RCOR2: variants seen among roughly 807,000 people sequenced by gnomAD.
RCOR2 encodes the protein REST corepressor 2.
Under a neutral mutation model 58.9 loss-of-function variants are expected in RCOR2, and 19 were observed. The ratio of observed to expected loss-of-function variants is 0.32; its 90% CI spans 0.23 to 0.47. RCOR2 has a LOEUF of 0.47. Among genes scored for constraint, RCOR2 ranks in the 20% least tolerant of loss-of-function variants. The pLI is 1.00. For missense variants in RCOR2, 590 were observed against 707.9 expected, an observed-to-expected ratio of 0.83 and a Z score of 1.89; for synonymous variants, 286 against 278.7, an observed-to-expected ratio of 1.03 and a Z score of -0.26.
At position 63,912,719 on chromosome 11, in the gene RCOR2, G is replaced by C. The variant is rs756937166; in HGVS notation, c.984C>G (p.Phe328Leu). 1 of 1,614,092 alleles carries C rather than the reference G, an allele frequency of 6.2e-7. No individual in the cohort carries two copies. The highest frequency in any genetic ancestry group is 8.5e-7 in the Non-Finnish European group (1 of 1,180,010). Residue 328 changes from phenylalanine to leucine, a missense_variant, in exon 10 of 12, where the codon TTC (phenylalanine) becomes TTG (leucine). Around this residue, in one of 3 missense-constraint regions of RCOR2, gnomAD observed 390 missense variants for 478.7 expected, o/e 0.81. Coordinates refer to ENST00000301459, the MANE Select transcript of RCOR2 (RefSeq NM_173587.4). ...GCTCATCTGTGGTCCAGCGGGAGTT[G>C]AACTTGGTGTTGGCCTGGAAAGCAA... is the stretch of plus-strand genomic sequence containing the variant. ...PLRPPEANTK[F>L]NSRWTTDEQL...
upstream of RCOR2, among the ~76,000 whole-genome samples, chr11:63,917,374 C>G (rs1044337016): frequency 3.9e-5 from 6 of 152,118 alleles, no homozygotes; most frequent in Non-Finnish European, 7.4e-5. Flanking sequence ...TCCCTGGGCT[C>G]CCAGACTTGC....
intron 2 of RCOR2, 64 bp downstream of exon 2, chr11:63,915,491 G>A: frequency 1.3e-6 from 2 of 1,504,052 alleles, no homozygotes; most frequent in Non-Finnish European, 1.8e-6. Flanking sequence ...GCCCCAGGTG[G>A]GGCTGCAGGC....
In RCOR2 at chr11:63,912,147, G is replaced by A; in HGVS notation, c.1290C>T (p.Pro430=). ...GTGGTGGCGCAGGGGGCACTGATCGGGGCACGGACGTGGAGACCGATGTAA... is the reference window on the plus strand; with the variant it reads ...GTGGTGGCGCAGGGGGCACTGATCGAGGCACGGACGTGGAGACCGATGTAA... The part of the protein sequence containing the change: ...VQITSVSTSV[P]RSVPPAPPPP... The change falls in exon 12 of 12, where the codon CCC becomes CCT. Residue 430 remains proline (P), a synonymous_variant. Transcript: ENST00000301459. The A allele has an allele frequency of 5.9e-6, 9 of 1,535,488 alleles. No individual in the cohort carries two copies. The highest frequency in any genetic ancestry group is 7.9e-6 in the Non-Finnish European group (9 of 1,145,056).
chr11:63,918,134 C>T (rs371731477), upstream of RCOR2, among the ~76,000 whole-genome samples: 9 of 150,104 alleles, frequency 6.0e-5, no homozygotes, highest in Admixed American at 2.7e-4. Flanking sequence ...CCCTCCCACC[C>T]GGAGCCCCAG....
chr11:63,914,799 C>A lies in RCOR2; in HGVS notation c.336G>T (p.Leu112=). 1 of 1,610,168 alleles carries A rather than the reference C, an allele frequency of 6.2e-7. No homozygotes were observed. Among genetic ancestry groups the A allele is most frequent in the Non-Finnish European group, 8.5e-7 (1 of 1,178,026 alleles). ...YNIEQALGML[L]WHKHDVEKSL... The stretch of plus-strand genomic sequence containing the variant: ...ACTTCTCCACATCGTGCTTATGCCA[C>A]AGAAGCATGCCCAGCGCCTGGCCCG... The change falls in exon 5 of 12, where the codon CTG becomes CTT. Residue 112 remains leucine (L), a synonymous_variant. Coordinates refer to ENST00000301459, the MANE Select transcript of RCOR2 (RefSeq NM_173587.4).
Position 63,915,016 on chromosome 11 carries a change from T to A in RCOR2, c.266-62A>T, listed in dbSNP as rs1941836548. 3.1e-6 allele frequency: 5 copies of A among 1,599,820 alleles called. No homozygotes were observed. In the Admixed American group the frequency reaches 8.3e-5, roughly 27 times the overall value. On this transcript the variant is annotated intron_variant, in intron 3 of 11. Coordinates refer to ENST00000301459, the MANE Select transcript of RCOR2 (RefSeq NM_173587.4). ...GGTTATAGCTCCTAACCCAGGCCTG[T>A]CCAGAAAGGGACCACCCCACAACGG...
In RCOR2 at chr11:63,911,328, G is replaced by T. The variant is rs1941745875; in HGVS notation, c.*537C>A. 6.6e-6 allele frequency: 1 copy of T among 152,416 alleles called. No homozygotes were observed. The highest frequency in any genetic ancestry group is 1.5e-5 in the Non-Finnish European group (1 of 68,164). The allele number at this position is 152,416 out of a possible 1,614,324, so 9.4% of individuals were successfully genotyped here. A position where few individuals can be genotyped will look rare whatever the true frequency, so the allele number is the denominator to read the frequency against. ...ATTTCTCCAAGTTTCTGGAAGGTGG[G>T]CTTGGTGGGCACCCTCAGCTCCTTA... On this transcript the variant is annotated 3_prime_UTR_variant, in exon 12 of 12. Transcript: ENST00000301459.
upstream of RCOR2, among the ~76,000 whole-genome samples, chr11:63,918,694 ACT>A (rs1208769564): frequency 1.3e-5 from 2 of 151,422 alleles, no homozygotes; most frequent in Non-Finnish European, 3.0e-5. Context: ...CTTTGGAGAG[ACT>A]CTCATTTCTG....
the RCOR2 span, among the ~76,000 whole-genome samples, chr11:63,925,238 A>T: frequency 6.6e-6 from 1 of 152,328 alleles, no homozygotes; most frequent in East Asian, 1.9e-4. Context: ...GCTCCTTAGC[A>T]TGACTTATCT....
In RCOR2 at chr11:63,913,521, C is replaced by G. The variant is rs183362438; in HGVS notation, c.891+433G>C. 4.4e-3 allele frequency among the ~76,000 whole-genome samples: 483 copies of G among 109,140 alleles called. 1 individual carries two copies. The highest frequency in any genetic ancestry group is 0.029 in the Middle Eastern group (4 of 138). The allele number at this position is 109,140 out of a possible 152,430, so 71.6% of individuals were successfully genotyped here. Reference sequence around the variant, plus strand: ...TTTTTGAGACGGAATCTCACTCTGTCGCCCAGGCTGGAGTGCAGTGGTGCA... The same window carrying G: ...TTTTTGAGACGGAATCTCACTCTGTGGCCCAGGCTGGAGTGCAGTGGTGCA... On this transcript the variant is annotated intron_variant, in intron 8 of 11. Coordinates refer to ENST00000301459, the MANE Select transcript of RCOR2 (RefSeq NM_173587.4).
At chr11:63,920,700 A>T (rs1452473792), upstream of RCOR2, among the ~76,000 whole-genome samples, 1 of 152,120 alleles carries the variant, frequency 6.6e-6, no homozygotes, top group Admixed American at 6.5e-5. Context: ...GAGGTGGGCT[A>T]GAGTGGAAGG....
chr11:63,913,440 T>G (rs1416277973), intron 8 of RCOR2, among the ~76,000 whole-genome samples: 1 of 150,928 alleles, frequency 6.6e-6, no homozygotes, highest in African/African-American at 2.4e-5. Flanking sequence ...TCCACCCACC[T>G]CAGCCTCCCA....
intron 7 of RCOR2, 31 bp downstream of exon 7, chr11:63,914,230 C>A (rs764594184): frequency 3.1e-6 from 5 of 1,613,294 alleles, no homozygotes; most frequent in Admixed American, 1.7e-5. Flanking sequence ...AGAGGACAGG[C>A]AGGCAGGGCC....
At position 63,912,514 on chromosome 11, in the gene RCOR2, C is replaced by A; in HGVS notation, c.1048G>T (p.Asp350Tyr). 6.2e-7 allele frequency: 1 copy of A among 1,613,888 alleles called. No individual in the cohort carries two copies. Among genetic ancestry groups the A allele is most frequent in the Non-Finnish European group, 8.5e-7 (1 of 1,179,864 alleles). ...AVQAIRRYGKDFGAIAEVIGN... is the reference protein window; with the variant it reads ...AVQAIRRYGKYFGAIAEVIGN... ...ATCACCTCTGCAATAGCCCCAAAGT[C>A]TTTGCCATACCTACGGATGGCTGCA... Residue 350 changes from aspartate to tyrosine, a missense_variant, in exon 11 of 12, where the codon GAC becomes TAC. Around this residue, in one of 3 missense-constraint regions of RCOR2, gnomAD observed 390 missense variants for 478.7 expected, o/e 0.81. Transcript: ENST00000301459.
At chr11:63,923,704 A>G in the RCOR2 span, among the ~76,000 whole-genome samples, 1 of 152,014 alleles carries the variant, frequency 6.6e-6, no homozygotes, top group South Asian at 2.1e-4. Flanking sequence ...CCTGGCTGAG[A>G]TATATCAAAC....
chr11:63,916,970 G>GCGGCGGCGGCGGCGGCGA lies in RCOR2; in HGVS notation c.-532_-515dup, dbSNP rs1211240637. Reference sequence around the variant, plus strand: ...GCGACGGCAGCCGGCCGGGGCACCGGCGGCGGCGGCGGCGGCGACGGCGGC... The same window carrying GCGGCGGCGGCGGCGGCGA: ...GCGACGGCAGCCGGCCGGGGCACCGGCGGCGGCGGCGGCGGCGACGGCGGCGGCGGCGGCGACGGCGGC... On this transcript the variant is annotated 5_prime_UTR_variant, in exon 1 of 12. Transcript: ENST00000301459. 6.8e-6 allele frequency: 1 copy of GCGGCGGCGGCGGCGGCGA among 147,124 alleles called. No individual in the cohort carries two copies. The highest frequency in any genetic ancestry group is 1.5e-5 in the Non-Finnish European group (1 of 66,064). 9.1% of individuals were successfully genotyped at this position (147,124 alleles called of 1,614,324 possible).
chr11:63,915,414 A>G (rs1441353144), intron 2 of RCOR2, 141 bp downstream of exon 2: 80 of 1,134,288 alleles, frequency 7.1e-5, no homozygotes, highest in Non-Finnish European at 1.3e-6. Flanking sequence ...CAGGGCAGGA[A>G]AGCAAACCAT....
At chr11:63,924,266 G>A in the RCOR2 span, among the ~76,000 whole-genome samples, 124 of 152,130 alleles carry the variant, frequency 8.2e-4, no homozygotes, top group Non-Finnish European at 9.7e-4. Context: ...GGAGTCTGGT[G>A]GCATGATCTT....
rs1941866943 is a variant in RCOR2 at position 63,916,965 on chromosome 11, C to CG, written c.-510_-509insC. The CG allele has an allele frequency of 8.2e-6, 1 of 122,380 alleles. No homozygotes were observed. Among genetic ancestry groups the CG allele is most frequent in the Non-Finnish European group, 1.8e-5 (1 of 54,202 alleles). The allele number at this position is 122,380 out of a possible 1,614,324, so 7.6% of individuals were successfully genotyped here. On this transcript the variant is annotated 5_prime_UTR_variant, in exon 1 of 12. Coordinates refer to ENST00000301459, the MANE Select transcript of RCOR2 (RefSeq NM_173587.4). Reference sequence around the variant, plus strand: ...TGCCCGCGACGGCAGCCGGCCGGGGCACCGGCGGCGGCGGCGGCGGCGACG... The same window carrying CG: ...TGCCCGCGACGGCAGCCGGCCGGGGCGACCGGCGGCGGCGGCGGCGGCGACG...
Sources: allele counts gnomAD v4.1 joint callset (sites outside exome capture counted in the v4.1 genomes callset), GRCh38; gene constraint gnomAD v4.1.1; regional missense constraint gnomAD v4.1.1; transcripts MANE v1.5; gene names NCBI Gene and HGNC (gene_info 2026-07-23, HGNC 2026-07-21).